Variants in FAM110B observed in about 807,000 individuals in gnomAD.
FAM110B encodes protein FAM110B.
In FAM110B, 6 loss-of-function variants were observed where a neutral mutation model predicts 20.4. That is an observed-to-expected ratio of 0.29 (90% CI 0.16 to 0.58). The LOEUF (loss-of-function observed/expected upper bound fraction) is 0.58. Ranked by LOEUF, FAM110B falls within the 20% of genes least tolerant of loss-of-function variation. The probability of loss-of-function intolerance (pLI) is 0.90; values close to 1 mark genes in which losing one functional copy is unlikely to be tolerated. For missense variants in FAM110B, 434 were observed against 498.2 expected, an observed-to-expected ratio of 0.87 and a Z score of 1.23; for synonymous variants, 226 against 214.1, an observed-to-expected ratio of 1.06 and a Z score of -0.49.
chr8:58,056,321 A>G (rs565368287), intron 2 of FAM110B, among the ~76,000 whole-genome samples: 34 of 152,366 alleles, frequency 2.2e-4, no homozygotes, highest in African/African-American at 8.2e-4. Flanking sequence ...GAGTCCATCT[A>G]GAAGATAGCC....
At chr8:58,035,553 C>G (rs767838507) in intron 2 of FAM110B, among the ~76,000 whole-genome samples, 9 of 152,308 alleles carry the variant, frequency 5.9e-5, no homozygotes, top group Non-Finnish European at 1.3e-4. Context: ...GTGAATGTGT[C>G]TGAGCCCTCC....
intron 1 of FAM110B, among the ~76,000 whole-genome samples, chr8:58,021,523 A>C (rs1418932831): frequency 6.6e-6 from 1 of 152,134 alleles, no homozygotes; most frequent in Non-Finnish European, 1.5e-5. Context: ...TTTAAATGTA[A>C]TTATTTACTG....
At chr8:58,021,959 T>C (rs543588545) in intron 1 of FAM110B, among the ~76,000 whole-genome samples, 39 of 152,308 alleles carry the variant, frequency 2.6e-4, no homozygotes, top group African/African-American at 8.4e-4. Flanking sequence ...GGCCTGGCTC[T>C]AGCATTCCAC....
At chr8:58,120,592 A>G (rs1293961394) in intron 3 of FAM110B, among the ~76,000 whole-genome samples, 1 of 152,230 alleles carries the variant, frequency 6.6e-6, no homozygotes, top group Non-Finnish European at 1.5e-5. Flanking sequence ...ACACGAGCTT[A>G]TGGATTGCTG....
chr8:58,139,354 T>A (rs187995213), intron 3 of FAM110B, among the ~76,000 whole-genome samples: 1 of 152,138 alleles, frequency 6.6e-6, no homozygotes, highest in Non-Finnish European at 1.5e-5. Flanking sequence ...GATTTCACCA[T>A]GGAGATAAGA....
intron 2 of FAM110B, among the ~76,000 whole-genome samples, chr8:58,068,618 G>T (rs1436383099): frequency 6.6e-6 from 1 of 150,764 alleles, no homozygotes; most frequent in Non-Finnish European, 1.5e-5. Flanking sequence ...AAAAACTACA[G>T]AAAAGGGAAG....
At chr8:58,115,007 GTTT>G (rs67361448) in intron 3 of FAM110B, among the ~76,000 whole-genome samples, 44,356 of 144,218 alleles carry the variant, frequency 0.31, 8,336 homozygotes, top group African/African-American at 0.55. Flanking sequence ...TTGGAAAGTT[GTTT>G]TTTTTTTTTT....
chr8:58,112,967 C>T (rs773057714), intron 3 of FAM110B, among the ~76,000 whole-genome samples: 3 of 152,116 alleles, frequency 2.0e-5, no homozygotes, highest in Non-Finnish European at 1.5e-5. Flanking sequence ...CAACAGATTT[C>T]GTGTCTAGTG....
chr8:58,054,961 T>C (rs1046873923), intron 2 of FAM110B, among the ~76,000 whole-genome samples: 1 of 152,110 alleles, frequency 6.6e-6, no homozygotes, highest in Non-Finnish European at 1.5e-5. Flanking sequence ...TAGTATTGAA[T>C]TGCTTAAAAT....
chr8:58,133,936 A>G (rs367964448), intron 3 of FAM110B, among the ~76,000 whole-genome samples: 13 of 152,224 alleles, frequency 8.5e-5, no homozygotes, highest in African/African-American at 2.7e-4. Context: ...CCAAAAATAT[A>G]TTTCAAGTGC....
intron 2 of FAM110B, among the ~76,000 whole-genome samples, chr8:58,057,234 C>A (rs1435106861): frequency 6.6e-6 from 1 of 152,176 alleles, no homozygotes; most frequent in Non-Finnish European, 1.5e-5. Flanking sequence ...ACCGGACAGA[C>A]GAGCTCTCCA....
At chr8:57,998,885 T>A (rs147567449) in intron 1 of FAM110B, among the ~76,000 whole-genome samples, 1 of 152,348 alleles carries the variant, frequency 6.6e-6, no homozygotes, top group African/African-American at 2.4e-5. Context: ...ATAAAATTAA[T>A]GAACTTAAAT....
At chr8:58,132,121 C>CCAAG (rs1803487577) in intron 3 of FAM110B, among the ~76,000 whole-genome samples, 1 of 151,676 alleles carries the variant, frequency 6.6e-6, no homozygotes, top group Admixed American at 6.5e-5. Context: ...GAGAATCTCA[C>CCAAG]CAAAGAGCTT....
intron 1 of FAM110B, among the ~76,000 whole-genome samples, chr8:58,024,484 AC>A (rs1804816447): frequency 6.6e-6 from 1 of 152,228 alleles, no homozygotes; most frequent in South Asian, 2.1e-4. Flanking sequence ...TGGCATTTTT[AC>A]ATATATTATT....
At chr8:58,061,217 C>T (rs1805651959) in intron 2 of FAM110B, among the ~76,000 whole-genome samples, 1 of 152,158 alleles carries the variant, frequency 6.6e-6, no homozygotes, top group South Asian at 2.1e-4. Context: ...GTCTGTAAAA[C>T]ATTGAAAATA....
chr8:58,125,247 C>T (rs1807467223), intron 3 of FAM110B, among the ~76,000 whole-genome samples: 1 of 152,052 alleles, frequency 6.6e-6, no homozygotes, highest in Non-Finnish European at 1.5e-5. Context: ...ACTCAAGGGG[C>T]TAAGGTGGAT....
intron 3 of FAM110B, among the ~76,000 whole-genome samples, chr8:58,103,465 T>C (rs1218247102): frequency 6.6e-6 from 1 of 152,096 alleles, no homozygotes; most frequent in Non-Finnish European, 1.5e-5. Flanking sequence ...GAATGATGAT[T>C]TCCAATTTCA....
At chr8:58,066,405 A>G (rs993777594) in intron 2 of FAM110B, among the ~76,000 whole-genome samples, 1 of 152,198 alleles carries the variant, frequency 6.6e-6, no homozygotes, top group African/African-American at 2.4e-5. Context: ...CAGGGATGCC[A>G]AGTGTCTGTG....
chr8:58,128,736 G>A (rs1163016239), intron 3 of FAM110B, among the ~76,000 whole-genome samples: 1 of 152,134 alleles, frequency 6.6e-6, no homozygotes, highest in Non-Finnish European at 1.5e-5. Context: ...ACATTTTGCT[G>A]TTGATCATAA....
Sources: allele counts gnomAD v4.1 joint callset (sites outside exome capture counted in the v4.1 genomes callset), GRCh38; gene constraint gnomAD v4.1.1; transcripts MANE v1.5; gene names NCBI Gene and HGNC (gene_info 2026-07-23, HGNC 2026-07-21).